The following HSF1 variants were observed in gnomAD, a reference collection of about 807,000 sequenced individuals.
HSF1 encodes the protein heat shock transcription factor 1.
In HSF1, 32 loss-of-function variants were observed where a neutral mutation model predicts 51.7. The observed-to-expected ratio is 0.62, with a 90% CI of 0.47 to 0.83. The LOEUF is 0.83. Ranked by LOEUF, HSF1 falls within the 40% of genes least tolerant of loss-of-function variation. The probability of loss-of-function intolerance (pLI) is 0.00; values close to 1 mark genes in which losing one functional copy is unlikely to be tolerated. For synonymous variants in HSF1, 396 were observed against 309.7 expected, an observed-to-expected ratio of 1.28 and a Z score of -2.92; for missense variants, 727 against 717.0, an observed-to-expected ratio of 1.01 and a Z score of -0.16.
At position 144,309,563 on chromosome 8, in the gene HSF1, T is replaced by G; in HGVS notation, c.335T>G (p.Leu112Arg). The G allele has an allele frequency of 6.2e-7, 1 of 1,614,016 alleles. No individual in the cohort carries two copies. Among genetic ancestry groups the G allele is most frequent in the Non-Finnish European group, 8.5e-7 (1 of 1,179,994 alleles). ...PCFLRGQEQLLENIKRKVTSV... is the reference protein window; with the variant it reads ...PCFLRGQEQLRENIKRKVTSV... ...TTCCTGCGTGGCCAGGAGCAGCTCC[T>G]TGAGAACATCAAGAGGAAAGTGACC... The change falls in exon 3 of 13, where the codon CTT becomes CGT. Residue 112 changes from leucine (L) to arginine (R), a missense_variant. Physicochemically the swap from Leu to Arg is moderately radical, Grantham distance 102. Around this residue, in one of 2 missense-constraint regions of HSF1, gnomAD observed 257 missense variants for 318.3 expected, o/e 0.81. Transcript: ENST00000528838.
chr8:144,295,318 C>T (rs142353086), intron 1 of HSF1, among the ~76,000 whole-genome samples: 1 of 152,230 alleles, frequency 6.6e-6, no homozygotes, highest in Non-Finnish European at 1.5e-5. Flanking sequence ...TGATTTTGTC[C>T]CATCTTTATT....
chr8:144,313,864 A>T lies in HSF1; in HGVS notation c.1267A>T (p.Thr423Ser), dbSNP rs1281380955. The change falls in exon 11 of 13, where the codon ACC (threonine) becomes TCC (serine). Residue 423 changes from threonine to serine, a missense_variant. Physicochemically the swap from Thr to Ser is moderately conservative, Grantham distance 58 (BLOSUM62 1). Coordinates refer to ENST00000528838, the MANE Select transcript of HSF1 (RefSeq NM_005526.4). ...ALLDLFSPSV[T>S]VPDMSLPDLD... ...TCCGCAGCTGTTCAGCCCCTCGGTG[A>T]CCGTGCCCGACATGAGCCTGCCTGA... 4.4e-6 allele frequency: 7 copies of T among 1,594,916 alleles called. No homozygotes were observed. The African/African-American group carries it at 1.0e-4, about 23-fold the overall frequency.
chr8:144,293,293 T>C (rs1815229576), intron 1 of HSF1, among the ~76,000 whole-genome samples: 1 of 152,228 alleles, frequency 6.6e-6, no homozygotes, highest in African/African-American at 2.4e-5. Flanking sequence ...CACCTCTGTG[T>C]TGGCCTTCCC....
At chr8:144,307,604 G>T (rs1241602452) in intron 1 of HSF1, among the ~76,000 whole-genome samples, 1 of 151,234 alleles carries the variant, frequency 6.6e-6, no homozygotes, top group Admixed American at 6.7e-5. Flanking sequence ...GCCGGGCGTG[G>T]TGGCGCCTAT....
chr8:144,313,428 C>A, intron 9 of HSF1, 83 bp from the exon 10 acceptor site: 2 of 917,100 alleles, frequency 2.2e-6, no homozygotes, highest in Non-Finnish European at 3.5e-6. Flanking sequence ...GGGGTACAGT[C>A]AAGGGGAGCC....
intron 1 of HSF1, among the ~76,000 whole-genome samples, chr8:144,307,795 A>G (rs1366890878): frequency 6.6e-6 from 1 of 152,142 alleles, no homozygotes; most frequent in Non-Finnish European, 1.5e-5. Context: ...CTCAGAAAAA[A>G]AAAAAGTTCA....
intron 9 of HSF1, chr8:144,312,953 T>C (rs1442939883): frequency 3.5e-6 from 2 of 576,388 alleles, no homozygotes; most frequent in South Asian, 4.0e-5. Context: ...CCTCTGGTGT[T>C]GGCAGGATCC....
chr8:144,300,458 C>A (rs1458910934), intron 1 of HSF1, among the ~76,000 whole-genome samples: 1 of 152,062 alleles, frequency 6.6e-6, no homozygotes, highest in Non-Finnish European at 1.5e-5. Flanking sequence ...ACCTCGTGAT[C>A]CGCCCACCTT....
chr8:144,291,694 C>T lies in HSF1; in HGVS notation c.-64C>T, dbSNP rs1815096646. 3 of 981,582 alleles carry T rather than the reference C, an allele frequency of 3.1e-6. No homozygotes were observed. Among genetic ancestry groups the T allele is most frequent in the East Asian group, 3.4e-5 (1 of 29,454 alleles). The allele number at this position is 981,582 out of a possible 1,614,324, so 60.8% of individuals were successfully genotyped here. A position where few individuals can be genotyped will look rare whatever the true frequency, so the allele number is the denominator to read the frequency against. ...GCCCGGAAGGCTGGCGCGGCGACGG[C>T]GTTAGCCCGGCCCTCGGCCCCTCTT... is the stretch of plus-strand genomic sequence containing the variant. On this transcript the variant is annotated 5_prime_UTR_variant, in exon 1 of 13. Coordinates refer to ENST00000528838, the MANE Select transcript of HSF1 (RefSeq NM_005526.4). The surrounding 1 kb of genome is among the most constrained non-coding windows in gnomAD (Gnocchi z 4.1).
At chr8:144,299,892 G>A (rs189606841) in intron 1 of HSF1, among the ~76,000 whole-genome samples, 19 of 152,274 alleles carry the variant, frequency 1.2e-4, no homozygotes, top group Admixed American at 2.6e-4. Context: ...CTGGGTGACA[G>A]AGCGAGACCC....
At chr8:144,294,229 G>A (rs573290670) in intron 1 of HSF1, among the ~76,000 whole-genome samples, 29 of 152,152 alleles carry the variant, frequency 1.9e-4, no homozygotes, top group Non-Finnish European at 3.5e-4. Context: ...AGAGCTTTCC[G>A]GCGCTGGCTG....
rs552439224 is a variant in HSF1, at chr8:144,301,662, C to T, written c.118-7244C>T. 1.5e-4 allele frequency among the ~76,000 whole-genome samples: 23 copies of T among 152,028 alleles called. No individual in the cohort carries two copies. In the East Asian group the frequency reaches 1.8e-3, roughly 12 times the overall value. On this transcript the variant is annotated intron_variant, in intron 1 of 12. Coordinates refer to ENST00000528838, the MANE Select transcript of HSF1 (RefSeq NM_005526.4). ...CGGGCGGATCACCAGGTCAGGAGGT[C>T]GAGACCATCCTGGCTAATACAGTGA...
chr8:144,312,035 G>A lies in HSF1; in HGVS notation c.933G>A (p.Glu311=). 6.2e-7 allele frequency: 1 copy of A among 1,610,218 alleles called. No individual in the cohort carries two copies. ...GCCCGCCTCAGAGCCCCCGGGTAGAGGAGGCGAGTCCCGGGCGCCCATCTT... is the reference window on the plus strand; with the variant it reads ...GCCCGCCTCAGAGCCCCCGGGTAGAAGAGGCGAGTCCCGGGCGCCCATCTT... ...PPSPPQSPRV[E]EASPGRPSSV... Residue 311 remains glutamate, a synonymous_variant, in exon 9 of 13, where the codon GAG becomes GAA. Transcript: ENST00000528838.
chr8:144,309,600 C>T lies in HSF1; in HGVS notation c.363+9C>T, dbSNP rs371149787. On this transcript the variant is annotated intron_variant, in intron 3 of 12. Transcript: ENST00000528838. ...AGAGGAAAGTGACCAGTGTGAGTGCCGGCCCTGCACCCTTGCCCGGTCTCA... is the reference window on the plus strand; with the variant it reads ...AGAGGAAAGTGACCAGTGTGAGTGCTGGCCCTGCACCCTTGCCCGGTCTCA... The T allele has an allele frequency of 8.7e-6, 14 of 1,613,360 alleles. No individual in the cohort carries two copies. In the African/African-American group the frequency reaches 9.3e-5, roughly 11 times the overall value.
Position 144,302,929 on chromosome 8 carries a change from A to C in HSF1, c.118-5977A>C, listed in dbSNP as rs145904004. Among the ~76,000 whole-genome samples the C allele has an allele frequency of 6.6e-5, 10 of 152,240 alleles. 2 individuals are homozygous for C. Among genetic ancestry groups the C allele is most frequent in the African/African-American group, 2.4e-4 (10 of 41,596 alleles). ...CAGGTGCTCAGCATCGTTCGTTGTC[A>C]GAGGAATGCACACGAAAACCGCAGC... is the stretch of plus-strand genomic sequence containing the variant. On this transcript the variant is annotated intron_variant, in intron 1 of 12. Transcript: ENST00000528838.
rs1392514515 is a variant in HSF1, at chr8:144,297,818, A to G, written c.117+5944A>G. Among the ~76,000 whole-genome samples, 2 of 152,196 alleles carry G rather than the reference A, an allele frequency of 1.3e-5. No homozygotes were observed. The highest frequency in any genetic ancestry group is 2.9e-5 in the Non-Finnish European group (2 of 68,020). Reference sequence around the variant, plus strand: ...GGCTTGTGGCCTGGGCTGTGGGGCCACCTTGTAGAATACGGCACTGTTCAC... The same window carrying G: ...GGCTTGTGGCCTGGGCTGTGGGGCCGCCTTGTAGAATACGGCACTGTTCAC... On this transcript the variant is annotated intron_variant, in intron 1 of 12. Coordinates refer to ENST00000528838, the MANE Select transcript of HSF1 (RefSeq NM_005526.4). The surrounding 1 kb of genome is among the most constrained non-coding windows in gnomAD (Gnocchi z 4.6).
At chr8:144,296,259 C>T (rs545413176) in intron 1 of HSF1, among the ~76,000 whole-genome samples, 8 of 152,302 alleles carry the variant, frequency 5.3e-5, no homozygotes, top group African/African-American at 1.9e-4. Flanking sequence ...GACCTGGCCA[C>T]GCTCAGTCAC....
At position 144,313,876 on chromosome 8, in the gene HSF1, A is replaced by G. The variant is rs782378918; in HGVS notation, c.1279A>G (p.Met427Val). ...CAGCCCCTCGGTGACCGTGCCCGAC[A>G]TGAGCCTGCCTGACCTTGACAGCAG... Reference protein sequence around the residue: ...LFSPSVTVPDMSLPDLDSSLA... With the variant: ...LFSPSVTVPDVSLPDLDSSLA... The change falls in exon 11 of 13, where the codon ATG (methionine) becomes GTG (valine). Residue 427 changes from methionine (M) to valine (V), a missense_variant. Physicochemically the swap from Met to Val is conservative, Grantham distance 21. Around this residue, in one of 2 missense-constraint regions of HSF1, gnomAD observed 470 missense variants for 398.8 expected, o/e 1.18. Coordinates refer to ENST00000528838, the MANE Select transcript of HSF1 (RefSeq NM_005526.4). The G allele has an allele frequency of 4.4e-6, 7 of 1,602,200 alleles. No homozygotes were observed. Among genetic ancestry groups the G allele is most frequent in the South Asian group, 1.1e-5 (1 of 90,550 alleles).
chr8:144,306,224 G>A (rs561843695), intron 1 of HSF1, among the ~76,000 whole-genome samples: 4 of 148,496 alleles, frequency 2.7e-5, no homozygotes, highest in African/African-American at 4.9e-5. Context: ...TCTTTGCCTC[G>A]TAAGTCCAGT....
Sources: gnomAD v4.1 joint callset for allele counts (sites outside exome capture counted in the v4.1 genomes callset) on GRCh38, gnomAD v4.1.1 for gene constraint, gnomAD v4.1.1 regional missense constraint, Gnocchi (gnomAD v3.1) non-coding constraint, MANE v1.5 for transcripts, NCBI Gene and HGNC (gene_info 2026-07-23, HGNC 2026-07-21) for gene names.